The following OR2T12 variants were observed in gnomAD, a reference collection of about 807,000 sequenced individuals.
OR2T12 encodes olfactory receptor family 2 subfamily T member 12.
For missense variants in OR2T12, 335 were observed against 404.3 expected (o/e 0.83, Z 1.47); for synonymous variants, 127 against 160.5 (o/e 0.79, Z 1.58).
In OR2T12 at chr1:248,293,951, T is replaced by C. The variant is rs1290459748; in HGVS notation, c.*665A>G. The C allele has an allele frequency of 3.9e-5, 6 of 152,082 alleles. No individual in the cohort carries two copies. The highest frequency in any genetic ancestry group is 7.4e-5 in the Non-Finnish European group (5 of 67,990). 9.4% of individuals were successfully genotyped at this position (152,082 alleles called of 1,614,324 possible). On this transcript the variant is annotated 3_prime_UTR_variant, in exon 3 of 3. Coordinates refer to ENST00000641276, the MANE Select transcript of OR2T12 (RefSeq NM_001004692.2). ...AAAATAAAAAAAGATTGTGACAATA[T>C]AGCAGTTACATTTGAGTTGTGTACT...
In OR2T12 at chr1:248,290,896, C is replaced by A. The variant is rs1317363190; in HGVS notation, c.*3720G>T. The A allele has an allele frequency of 6.6e-6, 1 of 152,186 alleles. No individual in the cohort carries two copies. The highest frequency in any genetic ancestry group is 1.9e-4 in the East Asian group (1 of 5,188). 9.4% of individuals were successfully genotyped at this position (152,186 alleles called of 1,614,324 possible). The stretch of plus-strand genomic sequence containing the variant: ...CTCACTGTGGTTTCGATTTGCATTT[C>A]TATAAGGACCAGTGATGATGAGCTT... On this transcript the variant is annotated 3_prime_UTR_variant, in exon 3 of 3. Coordinates refer to ENST00000641276, the MANE Select transcript of OR2T12 (RefSeq NM_001004692.2).
In OR2T12 at chr1:248,293,657, T is replaced by C. The variant is rs1177842772; in HGVS notation, c.*959A>G. 1.3e-5 allele frequency: 2 copies of C among 152,190 alleles called. No individual in the cohort carries two copies. The highest frequency in any genetic ancestry group is 2.9e-5 in the Non-Finnish European group (2 of 68,014). 9.4% of individuals were successfully genotyped at this position (152,190 alleles called of 1,614,324 possible). A position where few individuals can be genotyped will look rare whatever the true frequency, so the allele number is the denominator to read the frequency against. On this transcript the variant is annotated 3_prime_UTR_variant, in exon 3 of 3. Transcript: ENST00000641276. ...GGTAACCCAATAATGTATAAGGTTG[T>C]TGAGTCTTACTCAGCTTTGATAACT...
intron 1 of OR2T12, among the ~76,000 whole-genome samples, chr1:248,302,039 TA>T (rs754524455): frequency 0.052 from 6,806 of 130,918 alleles, 454 homozygotes; most frequent in African/African-American, 0.17. Context: ...CAGAACTTGA[TA>T]AAAAAAAAAA....
At chr1:248,297,912 C>T (rs1356903861) in intron 2 of OR2T12, among the ~76,000 whole-genome samples, 5 of 149,826 alleles carry the variant, frequency 3.3e-5, no homozygotes, top group Admixed American at 1.3e-4. Flanking sequence ...TGAGAGAGGG[C>T]ATCCCTGTCT....
intron 2 of OR2T12, among the ~76,000 whole-genome samples, chr1:248,299,394 T>C (rs1646199123): frequency 6.6e-6 from 1 of 151,920 alleles, no homozygotes; most frequent in South Asian, 2.1e-4. Flanking sequence ...TCCTAGTCTC[T>C]GATAAAACAG....
intron 2 of OR2T12, among the ~76,000 whole-genome samples, chr1:248,299,148 T>A (rs1659778251): frequency 1.3e-5 from 2 of 152,072 alleles, no homozygotes; most frequent in Admixed American, 1.3e-4. Context: ...AATAACCAGC[T>A]AACATCATAA....
chr1:248,292,104 G>A lies in OR2T12; in HGVS notation c.*2512C>T, dbSNP rs561866189. On this transcript the variant is annotated 3_prime_UTR_variant, in exon 3 of 3. Transcript: ENST00000641276. ...GATATAATTAAACTAAATAGCTTCT[G>A]CACAGCAGAAGATGAATAAATTCTA... is the stretch of plus-strand genomic sequence containing the variant. 1 of 152,224 alleles carries A rather than the reference G, an allele frequency of 6.6e-6. No individual in the cohort carries two copies. Among genetic ancestry groups the A allele is most frequent in the African/African-American group, 2.4e-5 (1 of 41,544 alleles). 9.4% of individuals were successfully genotyped at this position (152,224 alleles called of 1,614,324 possible).
In OR2T12 at chr1:248,294,561, T is replaced by G; in HGVS notation, c.*55A>C. ...TCATGAATTACTAAAGGGAGAGAATTACATAGTGTTAAAATGTTAATAAAT... is the reference window on the plus strand; with the variant it reads ...TCATGAATTACTAAAGGGAGAGAATGACATAGTGTTAAAATGTTAATAAAT... On this transcript the variant is annotated 3_prime_UTR_variant, in exon 3 of 3. Transcript: ENST00000641276. 6.4e-7 allele frequency: 1 copy of G among 1,550,448 alleles called. No individual in the cohort carries two copies. The highest frequency in any genetic ancestry group is 8.7e-7 in the Non-Finnish European group (1 of 1,149,850).
At chr1:248,301,584 C>A (rs1300949502) in intron 1 of OR2T12, 31 bp from the exon 2 acceptor site, 1 of 152,026 alleles carries the variant, frequency 6.6e-6, no homozygotes, top group Non-Finnish European at 1.5e-5. Context: ...TTTTGAGTTT[C>A]AATACTGTAC....
chr1:248,295,704 T>C (rs1272672206), intron 2 of OR2T12, 118 bp from the exon 3 acceptor site: 2 of 1,380,716 alleles, frequency 1.4e-6, no homozygotes, highest in African/African-American at 1.5e-5. Flanking sequence ...AGGTCGTGAT[T>C]CAAAGCCCTG....
chr1:248,302,131 C>T (rs1185183148), intron 1 of OR2T12, among the ~76,000 whole-genome samples: 1 of 151,312 alleles, frequency 6.6e-6, no homozygotes, highest in Non-Finnish European at 1.5e-5. Flanking sequence ...GCTAAAATGA[C>T]GTTACCCTTT....
intron 2 of OR2T12, among the ~76,000 whole-genome samples, chr1:248,296,052 T>G (rs1391358336): frequency 1.4e-5 from 2 of 139,868 alleles, no homozygotes; most frequent in Non-Finnish European, 3.1e-5. Context: ...CCCCTTCCTG[T>G]GTCCATGTGT....
chr1:248,295,629 T>C, intron 2 of OR2T12, 43 bp from the exon 3 acceptor site: 2 of 1,538,318 alleles, frequency 1.3e-6, no homozygotes, highest in Non-Finnish European at 1.7e-6. Flanking sequence ...AAGAAGAGGC[T>C]TTTATGGTCT....
At chr1:248,296,840 A>G (rs1659735634) in intron 2 of OR2T12, among the ~76,000 whole-genome samples, 1 of 152,216 alleles carries the variant, frequency 6.6e-6, no homozygotes, top group Non-Finnish European at 1.5e-5. Flanking sequence ...TTTGCTGTGC[A>G]GAAGCTCTTT....
chr1:248,294,449 G>T lies in OR2T12; in HGVS notation c.*167C>A, dbSNP rs1659681037. 3 of 837,346 alleles carry T rather than the reference G, an allele frequency of 3.6e-6. No individual in the cohort carries two copies. The Admixed American group carries it at 8.0e-5, about 22-fold the overall frequency. 51.9% of individuals were successfully genotyped at this position (837,346 alleles called of 1,614,324 possible). On this transcript the variant is annotated 3_prime_UTR_variant, in exon 3 of 3. Transcript: ENST00000641276. ...TTCACTTGAAGAAAAGTACATAAAT[G>T]CTCAAAAATGGTATCTGTCAATACA...
At position 248,293,482 on chromosome 1, in the gene OR2T12, T is replaced by A. The variant is rs1019866779; in HGVS notation, c.*1134A>T. ...GTCTCTGATTACAATTTGGCTTTGA[T>A]AACCACTGCTTTCCTCCATCACTAT... On this transcript the variant is annotated 3_prime_UTR_variant, in exon 3 of 3. Coordinates refer to ENST00000641276, the MANE Select transcript of OR2T12 (RefSeq NM_001004692.2). 2 of 152,188 alleles carry A rather than the reference T, an allele frequency of 1.3e-5. No homozygotes were observed. The allele number at this position is 152,188 out of a possible 1,614,324, so 9.4% of individuals were successfully genotyped here.
intron 2 of OR2T12, among the ~76,000 whole-genome samples, chr1:248,299,236 C>A (rs547668371): frequency 6.6e-6 from 1 of 152,166 alleles, no homozygotes; most frequent in East Asian, 1.9e-4. Context: ...AAGACACAGA[C>A]TGGCACATTG....
Position 248,295,040 on chromosome 1 carries a change from G to A in OR2T12, c.539C>T (p.Pro180Leu). The stretch of plus-strand genomic sequence containing the variant: ...AGCACAAGCCAAACGCACCAACACG[G>A]GGGCCTCGCAGAAGAAGTGATCGAT... ...HEIDHFFCEA[P>L]VLVRLACADT... Residue 180 changes from proline (P) to leucine (L), a missense_variant, in exon 3 of 3, where the codon CCC becomes CTC. Physicochemically the swap from Pro to Leu is moderately conservative, Grantham distance 98 (BLOSUM62 -3). Coordinates refer to ENST00000641276, the MANE Select transcript of OR2T12 (RefSeq NM_001004692.2). The A allele has an allele frequency of 6.2e-7, 1 of 1,609,764 alleles. No homozygotes were observed. The highest frequency in any genetic ancestry group is 1.1e-5 in the South Asian group (1 of 90,862).
chr1:248,292,943 T>C lies in OR2T12; in HGVS notation c.*1673A>G, dbSNP rs185000287. 1.1e-4 allele frequency: 16 copies of C among 152,252 alleles called. No homozygotes were observed. The highest frequency in any genetic ancestry group is 1.9e-4 in the Non-Finnish European group (13 of 67,970). The allele number at this position is 152,252 out of a possible 1,614,324, so 9.4% of individuals were successfully genotyped here. On this transcript the variant is annotated 3_prime_UTR_variant, in exon 3 of 3. Transcript: ENST00000641276. ...AAATTTCCACGACTACATGTACTTG[T>C]GTAATTTTCACCCATTCTAAGAGAA...
Sources: allele counts gnomAD v4.1 joint callset (sites outside exome capture counted in the v4.1 genomes callset), GRCh38; gene constraint gnomAD v4.1.1; transcripts MANE v1.5; gene names NCBI Gene and HGNC (gene_info 2026-07-23, HGNC 2026-07-21).